Variants in GSDME observed in about 807,000 individuals in gnomAD.
GSDME encodes the protein gasdermin-E.
Under a neutral mutation model 47.5 loss-of-function variants are expected in GSDME, and 44 were observed. That is an observed-to-expected ratio of 0.93 (90% CI 0.73 to 1.19). The LOEUF is 1.19. Ranked by LOEUF, GSDME falls within the 50% of genes most tolerant of loss-of-function variation. The pLI is 0.00. For synonymous variants in GSDME, 258 were observed against 252.8 expected (o/e 1.02, Z -0.20); for missense variants, 663 against 604.2 (o/e 1.10, Z -1.02).
chr7:24,707,304 C>G lies in GSDME; in HGVS notation c.990+823G>C, dbSNP rs75478693. 3,676 of 471,106 alleles carry G rather than the reference C, an allele frequency of 7.8e-3. 145 individuals are homozygous for G. The highest frequency in any genetic ancestry group is 0.068 in the African/African-American group (3,402 of 50,116). The allele number at this position is 471,106 out of a possible 1,614,324, so 29.2% of individuals were successfully genotyped here. ...TGTAGTCAAAATCAGGTTTATAAAG[C>G]CTCAGCCTTAAGAAAGGGAGGACAC... On this transcript the variant is annotated intron_variant, in intron 7 of 9. Transcript: ENST00000645220.
intron 3 of GSDME, among the ~76,000 whole-genome samples, chr7:24,729,469 C>T (rs1339885347): frequency 6.6e-6 from 1 of 152,258 alleles, no homozygotes; most frequent in East Asian, 1.9e-4. Flanking sequence ...CGGACACAGA[C>T]GCAGGCAACT....
rs547639966 is a variant in GSDME, at chr7:24,708,343, T to G, written c.863-89A>C. 2.7e-6 allele frequency: 4 copies of G among 1,483,114 alleles called. No homozygotes were observed. In the East Asian group the frequency reaches 7.0e-5, roughly 26 times the overall value. 91.9% of individuals were successfully genotyped at this position (1,483,114 alleles called of 1,614,324 possible). A position where few individuals can be genotyped will look rare whatever the true frequency, so the allele number is the denominator to read the frequency against. On this transcript the variant is annotated intron_variant, in intron 6 of 9. Coordinates refer to ENST00000645220, the MANE Select transcript of GSDME (RefSeq NM_001127453.2). ...AACTCCTGCTTTTTATACCTAATCG[T>G]CATCAGTTCTTTCATGGATATTCCC...
At chr7:24,761,555 G>A (rs920125956), upstream of GSDME, among the ~76,000 whole-genome samples, 2 of 152,222 alleles carry the variant, frequency 1.3e-5, no homozygotes, top group Non-Finnish European at 2.9e-5. This position sits in a 1 kb window ranked among gnomAD's most constrained non-coding sequence, Gnocchi z 4.4. Flanking sequence ...CCCACCTCCT[G>A]AAACTATCAC....
Position 24,732,666 on chromosome 7 carries a change from C to G in GSDME, c.404+11896G>C, listed in dbSNP as rs1479338032. 6.6e-6 allele frequency among the ~76,000 whole-genome samples: 1 copy of G among 152,212 alleles called. No individual in the cohort carries two copies. The highest frequency in any genetic ancestry group is 2.4e-5 in the African/African-American group (1 of 41,450). ...CAACTGTGGGACTTTGCATGGAACT[C>G]AGTGCTGCCAACACCGGGCAGAACT... On this transcript the variant is annotated intron_variant, in intron 3 of 9. Coordinates refer to ENST00000645220, the MANE Select transcript of GSDME (RefSeq NM_001127453.2). This position sits in a 1 kb window ranked among gnomAD's most constrained non-coding sequence, Gnocchi z 4.8.
At chr7:24,770,627 A>T in the GSDME span, among the ~76,000 whole-genome samples, 2 of 152,196 alleles carry the variant, frequency 1.3e-5, no homozygotes, top group Non-Finnish European at 2.9e-5. This position sits in a 1 kb window ranked among gnomAD's most constrained non-coding sequence, Gnocchi z 4.6. Flanking sequence ...AGAGAATTGC[A>T]GAATCAGAGA....
chr7:24,730,512 A>G (rs1790109019), intron 3 of GSDME, among the ~76,000 whole-genome samples: 2 of 152,216 alleles, frequency 1.3e-5, no homozygotes, highest in African/African-American at 4.8e-5. Flanking sequence ...AAAGATCTGA[A>G]GTTGCCTTTA....
chr7:24,794,172 C>G, the GSDME span, among the ~76,000 whole-genome samples: 2 of 151,218 alleles, frequency 1.3e-5, no homozygotes, highest in African/African-American at 4.9e-5. Context: ...TTCCTTCTGT[C>G]TCTGTCTCTT....
In GSDME at chr7:24,745,926, TCCA is replaced by T. The variant is rs1205802579; in HGVS notation, c.212-1175_212-1173del. ...CCATTTGGTAAGGAGACATTAAGAG[TCCA>T]CTAGGAACCTCACACTTGGCCTTTT... On this transcript the variant is annotated intron_variant, in intron 2 of 9. Coordinates refer to ENST00000645220, the MANE Select transcript of GSDME (RefSeq NM_001127453.2). This position sits in a 1 kb window ranked among gnomAD's most constrained non-coding sequence, Gnocchi z 4.4. Among the ~76,000 whole-genome samples the T allele has an allele frequency of 6.6e-6, 1 of 151,768 alleles. No individual in the cohort carries two copies. The highest frequency in any genetic ancestry group is 2.4e-5 in the African/African-American group (1 of 41,312).
intron 3 of GSDME, among the ~76,000 whole-genome samples, chr7:24,730,582 T>C (rs1051504273): frequency 6.6e-6 from 1 of 152,166 alleles, no homozygotes; most frequent in Non-Finnish European, 1.5e-5. Context: ...TTTGGGAGGC[T>C]GAGATGGGCA....
chr7:24,789,092 C>T, the GSDME span, among the ~76,000 whole-genome samples: 27 of 152,236 alleles, frequency 1.8e-4, no homozygotes, highest in African/African-American at 5.5e-4. Flanking sequence ...CAATATAGTG[C>T]ATTGTGTAAC....
intron 2 of GSDME, among the ~76,000 whole-genome samples, chr7:24,746,040 T>G (rs1790656894): frequency 6.6e-6 from 1 of 151,994 alleles, no homozygotes; most frequent in African/African-American, 2.4e-5. Context: ...AAGGCTTCTT[T>G]CCATCCACTC....
chr7:24,763,921 T>C, the GSDME span, among the ~76,000 whole-genome samples: 1 of 152,238 alleles, frequency 6.6e-6, no homozygotes, highest in African/African-American at 2.4e-5. This position sits in a 1 kb window ranked among gnomAD's most constrained non-coding sequence, Gnocchi z 4.3. Flanking sequence ...ACAGCTGAAC[T>C]GATTTAAATG....
chr7:24,788,809 A>C, the GSDME span, among the ~76,000 whole-genome samples: 25 of 152,272 alleles, frequency 1.6e-4, no homozygotes, highest in Non-Finnish European at 3.1e-4. The surrounding 1 kb of genome is among the most constrained non-coding windows in gnomAD (Gnocchi z 4.6). Context: ...TGCCCATAAC[A>C]CATTATTTTG....
the GSDME span, among the ~76,000 whole-genome samples, chr7:24,781,681 T>A: frequency 6.6e-6 from 1 of 151,874 alleles, no homozygotes; most frequent in Non-Finnish European, 1.5e-5. Flanking sequence ...CAAACAGAAA[T>A]TTTAAAATAT....
chr7:24,718,062 T>C (rs1562696606), intron 4 of GSDME, among the ~76,000 whole-genome samples: 1 of 152,212 alleles, frequency 6.6e-6, no homozygotes, highest in Non-Finnish European at 1.5e-5. Flanking sequence ...GGTTGAGAAA[T>C]GGCAGCTGGC....
At chr7:24,723,860 G>A (rs1000373519) in intron 3 of GSDME, among the ~76,000 whole-genome samples, 1 of 152,238 alleles carries the variant, frequency 6.6e-6, no homozygotes, top group Non-Finnish European at 1.5e-5. Context: ...GGCTGGAAAA[G>A]CAAGTTATAC....
chr7:24,748,277 G>A (rs1790740091), intron 2 of GSDME, among the ~76,000 whole-genome samples: 1 of 150,784 alleles, frequency 6.6e-6, no homozygotes, highest in East Asian at 2.0e-4. Context: ...CTCCTGCCTC[G>A]GCCTCTTAAG....
chr7:24,702,555 T>A, intron 9 of GSDME: 1 of 537,582 alleles, frequency 1.9e-6, no homozygotes, highest in Non-Finnish European at 3.6e-6. Context: ...ACAAGTTATT[T>A]GGACAAATCA....
intron 3 of GSDME, among the ~76,000 whole-genome samples, chr7:24,723,484 T>C (rs1789864771): frequency 6.6e-6 from 1 of 152,246 alleles, no homozygotes; most frequent in Non-Finnish European, 1.5e-5. Flanking sequence ...TTCAATGCAA[T>C]TTGTTTACTG....
Sources: allele counts gnomAD v4.1 joint callset (sites outside exome capture counted in the v4.1 genomes callset), GRCh38; gene constraint gnomAD v4.1.1; non-coding constraint Gnocchi (gnomAD v3.1); transcripts MANE v1.5; gene names NCBI Gene and HGNC (gene_info 2026-07-23, HGNC 2026-07-21).